PPP2R2D: variants seen among roughly 807,000 people sequenced by gnomAD.
PPP2R2D encodes protein phosphatase 2 regulatory subunit Bdelta.
Under a neutral mutation model 31.1 loss-of-function variants are expected in PPP2R2D, and 9 were observed. The ratio of observed to expected loss-of-function variants is 0.29; its 90% CI spans 0.17 to 0.51. The LOEUF is 0.51. Among genes scored for constraint, PPP2R2D ranks in the 20% least tolerant of loss-of-function variants. PPP2R2D has a pLI of 0.98. For missense variants in PPP2R2D, 391 were observed against 465.6 expected, an observed-to-expected ratio of 0.84 and a Z score of 1.48; for synonymous variants, 179 against 172.6, an observed-to-expected ratio of 1.04 and a Z score of -0.29.
chr10:131,947,470 A>T lies in PPP2R2D; in HGVS notation c.821-60A>T. The T allele has an allele frequency of 6.4e-7, 1 of 1,555,180 alleles. No individual in the cohort carries two copies. Among genetic ancestry groups the T allele is most frequent in the Middle Eastern group, 2.3e-4 (1 of 4,372 alleles). On this transcript the variant is annotated intron_variant, in intron 7 of 8. Coordinates refer to ENST00000455566, the MANE Select transcript of PPP2R2D (RefSeq NM_018461.5). The surrounding 1 kb of genome is among the most constrained non-coding windows in gnomAD (Gnocchi z 4.3). The stretch of plus-strand genomic sequence containing the variant: ...AGGGGCCACTTCCTACTTGAACTTG[A>T]AAATGATTTGTTCTCTGATTTTTAA...
rs568155522 is a variant in PPP2R2D, at chr10:131,952,458, G to A, written c.1083-3226G>A. Among the ~76,000 whole-genome samples, 53 of 98,308 alleles carry A rather than the reference G, an allele frequency of 5.4e-4. 1 individual carries two copies. Among genetic ancestry groups the A allele is most frequent in the South Asian group, 3.0e-3 (7 of 2,306 alleles). The allele number at this position is 98,308 out of a possible 152,430, so 64.5% of individuals were successfully genotyped here. A position where few individuals can be genotyped will look rare whatever the true frequency, so the allele number is the denominator to read the frequency against. Reference sequence around the variant, plus strand: ...TTAGCAGTGACTTGTGGGTGTGCGGGGGTTCACTGTCTTAGTGACTTGGTG... The same window carrying A: ...TTAGCAGTGACTTGTGGGTGTGCGGAGGTTCACTGTCTTAGTGACTTGGTG... On this transcript the variant is annotated intron_variant, in intron 8 of 8. Coordinates refer to ENST00000455566, the MANE Select transcript of PPP2R2D (RefSeq NM_018461.5).
chr10:131,964,673 T>G (rs572041905), downstream of PPP2R2D, among the ~76,000 whole-genome samples: 11 of 151,382 alleles, frequency 7.3e-5, no homozygotes, highest in African/African-American at 1.7e-4. Context: ...TATGTTTTTT[T>G]TTTTTTTTTT....
chr10:131,967,490 C>A, the PPP2R2D span: 1 of 152,180 alleles, frequency 6.6e-6, no homozygotes, highest in South Asian at 2.1e-4. Flanking sequence ...AAGGTAGCAT[C>A]AACAAAGATT....
At chr10:131,946,198 A>T (rs1037971441) in intron 7 of PPP2R2D, among the ~76,000 whole-genome samples, 4 of 152,260 alleles carry the variant, frequency 2.6e-5, no homozygotes, top group Non-Finnish European at 5.9e-5. Context: ...AAAGTCTAGC[A>T]TTTTAATCCA....
At chr10:131,939,167 A>G (rs1554896844) in intron 3 of PPP2R2D, among the ~76,000 whole-genome samples, 16 of 46,758 alleles carry the variant, frequency 3.4e-4, no homozygotes, top group East Asian at 1.2e-3. Flanking sequence ...CATTCGGCAG[A>G]CCTGCTCCAG....
chr10:131,963,493 A>C (rs1554901774), downstream of PPP2R2D, among the ~76,000 whole-genome samples: 2 of 152,222 alleles, frequency 1.3e-5, no homozygotes. Context: ...CCGTTTCTAC[A>C]CATCGGGTAG....
In PPP2R2D at chr10:131,958,760, C is replaced by T. The variant is rs192078046; in HGVS notation, c.*2797C>T. On this transcript the variant is annotated 3_prime_UTR_variant, in exon 9 of 9. Coordinates refer to ENST00000455566, the MANE Select transcript of PPP2R2D (RefSeq NM_018461.5). ...GAGATGGAGGTGTGTGCTGGTCCCC[C>T]GTCCCCCTGTGGAGATGGAGGTGTG... is the stretch of plus-strand genomic sequence containing the variant. 8.8e-4 allele frequency: 230 copies of T among 262,796 alleles called. No individual in the cohort carries two copies. The highest frequency in any genetic ancestry group is 5.3e-3 in the African/African-American group (214 of 40,498). The allele number at this position is 262,796 out of a possible 1,614,324, so 16.3% of individuals were successfully genotyped here.
rs1408490832 is a variant in PPP2R2D, at chr10:131,947,023, C to T, written c.821-507C>T. ...CCTGCAGACCCACAAACTGTCGACC[C>T]TCCAAAAAGCAGGCAGTTTCTTAGA... On this transcript the variant is annotated intron_variant, in intron 7 of 8. Coordinates refer to ENST00000455566, the MANE Select transcript of PPP2R2D (RefSeq NM_018461.5). The surrounding 1 kb of genome is among the most constrained non-coding windows in gnomAD (Gnocchi z 4.3). Among the ~76,000 whole-genome samples, 2 of 152,260 alleles carry T rather than the reference C, an allele frequency of 1.3e-5. No individual in the cohort carries two copies. The highest frequency in any genetic ancestry group is 1.9e-4 in the East Asian group (1 of 5,178).
At chr10:131,949,295 C>T (rs1478217633) in intron 8 of PPP2R2D, among the ~76,000 whole-genome samples, 2 of 152,144 alleles carry the variant, frequency 1.3e-5, no homozygotes, top group African/African-American at 4.8e-5. Flanking sequence ...GGGCAGTAAA[C>T]ACACCTGCAC....
intron 2 of PPP2R2D, among the ~76,000 whole-genome samples, chr10:131,927,396 G>A (rs1554895074): frequency 6.6e-6 from 1 of 152,176 alleles, no homozygotes; most frequent in Non-Finnish European, 1.5e-5. Flanking sequence ...CCTTCAGAGA[G>A]GGCGGGTGCG....
Position 131,932,084 on chromosome 10 carries a change from C to T in PPP2R2D, c.101-2374C>T, listed in dbSNP as rs150255770. Among the ~76,000 whole-genome samples, 1,034 of 152,286 alleles carry T rather than the reference C, an allele frequency of 6.8e-3. 10 individuals are homozygous for T. The highest frequency in any genetic ancestry group is 0.024 in the African/African-American group (996 of 41,548). On this transcript the variant is annotated intron_variant, in intron 2 of 8. Coordinates refer to ENST00000455566, the MANE Select transcript of PPP2R2D (RefSeq NM_018461.5). ...GGAGGGTAAAGGAGATGAACACACA[C>T]GCATGGCCCACCATGTTCGGCGGGA... is the stretch of plus-strand genomic sequence containing the variant.
intron 2 of PPP2R2D, among the ~76,000 whole-genome samples, chr10:131,928,231 T>TA (rs1554895207): frequency 6.6e-6 from 1 of 152,162 alleles, no homozygotes; most frequent in African/African-American, 2.4e-5. Flanking sequence ...GGCGCTAGTT[T>TA]TCCTTATAAC....
At chr10:131,932,816 G>A (rs1490354565) in intron 2 of PPP2R2D, among the ~76,000 whole-genome samples, 1 of 152,020 alleles carries the variant, frequency 6.6e-6, no homozygotes, top group African/African-American at 2.4e-5. Flanking sequence ...TTTAGTTTGG[G>A]TTTAGAGATT....
chr10:131,970,414 C>T, the PPP2R2D span: 5 of 615,288 alleles, frequency 8.1e-6, no homozygotes, highest in Admixed American at 1.2e-4. This position sits in a 1 kb window ranked among gnomAD's most constrained non-coding sequence, Gnocchi z 4.1. Flanking sequence ...CAGGCAGACT[C>T]GTCAGGCCAG....
At chr10:131,933,741 C>G (rs1002662323) in intron 2 of PPP2R2D, among the ~76,000 whole-genome samples, 4 of 152,072 alleles carry the variant, frequency 2.6e-5, no homozygotes, top group Non-Finnish European at 4.4e-5. Context: ...TCCAGACACT[C>G]CCTTCCCAAC....
intron 2 of PPP2R2D, among the ~76,000 whole-genome samples, chr10:131,901,803 C>A (rs2035503637): frequency 6.6e-6 from 1 of 152,106 alleles, no homozygotes; most frequent in South Asian, 2.1e-4. Context: ...CCAGGCTCTG[C>A]GTTTCATCGG....
intron 8 of PPP2R2D, among the ~76,000 whole-genome samples, chr10:131,950,705 G>C (rs1306025225): frequency 2.6e-5 from 4 of 152,192 alleles, no homozygotes; most frequent in Admixed American, 6.5e-5. Flanking sequence ...AGCCTGCAGG[G>C]AAGAGCAGTG....
intron 2 of PPP2R2D, 127 bp downstream of exon 2, chr10:131,901,457 G>GC (rs1265734920): frequency 0.028 from 8,953 of 322,710 alleles, 172 homozygotes; most frequent in Middle Eastern, 0.069. Flanking sequence ...CGGGGCAGGG[G>GC]CCAGGGGCCG....
At chr10:131,906,863 C>G (rs2035596296) in intron 2 of PPP2R2D, among the ~76,000 whole-genome samples, 2 of 151,702 alleles carry the variant, frequency 1.3e-5, no homozygotes, top group Admixed American at 6.6e-5. Flanking sequence ...ATCGCTTGAG[C>G]CAGGGAGGTT....
Sources: gnomAD v4.1 joint callset for allele counts (sites outside exome capture counted in the v4.1 genomes callset) on GRCh38, gnomAD v4.1.1 for gene constraint, Gnocchi (gnomAD v3.1) non-coding constraint, MANE v1.5 for transcripts, NCBI Gene and HGNC (gene_info 2026-07-23, HGNC 2026-07-21) for gene names.